AUTS2: variants seen among roughly 807,000 people sequenced by gnomAD.
AUTS2 encodes activator of transcription and developmental regulator AUTS2.
AUTS2 carries 17 observed loss-of-function variants against 112.4 expected under a neutral mutation model. That is an observed-to-expected ratio of 0.15 (90% CI 0.10 to 0.23). The LOEUF (loss-of-function observed/expected upper bound fraction) is 0.23. AUTS2 is among the 10% of genes least tolerant of loss of function. The pLI is 1.00. For missense variants in AUTS2, 1,510 were observed against 1,701.6 expected (o/e 0.89, Z 1.98); for synonymous variants, 751 against 702.7 (o/e 1.07, Z -1.09).
intron 6 of AUTS2, among the ~76,000 whole-genome samples, chr7:70,719,513 G>A (rs1275649764): frequency 1.3e-5 from 2 of 150,112 alleles, no homozygotes; most frequent in Admixed American, 6.7e-5. Context: ...GCTCAGGCTG[G>A]AGTGCAGTGG....
At chr7:70,235,155 A>G (rs1322839063) in intron 4 of AUTS2, among the ~76,000 whole-genome samples, 1 of 152,140 alleles carries the variant, frequency 6.6e-6, no homozygotes, top group East Asian at 1.9e-4. Flanking sequence ...TATTTTAGAG[A>G]TGGAGTCTCA....
chr7:69,745,744 T>C (rs1054011119), intron 1 of AUTS2, among the ~76,000 whole-genome samples: 12 of 152,328 alleles, frequency 7.9e-5, no homozygotes, highest in African/African-American at 2.6e-4. Context: ...AAAAGTAATC[T>C]TGCAGTTTGT....
intron 4 of AUTS2, among the ~76,000 whole-genome samples, chr7:70,173,564 A>G (rs1000757475): frequency 6.6e-6 from 1 of 152,144 alleles, no homozygotes; most frequent in Non-Finnish European, 1.5e-5. Context: ...GTTCTTTTCT[A>G]ATATGAGCAT....
At chr7:70,426,734 A>C (rs577370269) in intron 4 of AUTS2, among the ~76,000 whole-genome samples, 1 of 152,170 alleles carries the variant, frequency 6.6e-6, no homozygotes, top group Admixed American at 6.5e-5. Flanking sequence ...AGCATGTTCC[A>C]TTTGCCTCAC....
chr7:70,706,298 CAG>C (rs1809734633), intron 6 of AUTS2, among the ~76,000 whole-genome samples: 1 of 152,208 alleles, frequency 6.6e-6, no homozygotes, highest in Non-Finnish European at 1.5e-5. Context: ...AGAGCAGAGA[CAG>C]AAACAGAGAA....
In AUTS2 at chr7:70,595,258, C is replaced by T. The variant is rs113986286; in HGVS notation, c.691-103311C>T. On this transcript the variant is annotated intron_variant, in intron 5 of 18. Transcript: ENST00000342771. The stretch of plus-strand genomic sequence containing the variant: ...CTCCAGGAATTCCTCTTCCATGCAC[C>T]TCCTTGGGCAGAGCGTTGAGGTGTG... 4.2e-3 allele frequency among the ~76,000 whole-genome samples: 644 copies of T among 152,248 alleles called. 7 individuals are homozygous for T. The highest frequency in any genetic ancestry group is 0.015 in the African/African-American group (612 of 41,540).
intron 4 of AUTS2, among the ~76,000 whole-genome samples, chr7:70,239,403 G>A (rs1812489666): frequency 6.6e-6 from 1 of 152,074 alleles, no homozygotes; most frequent in African/African-American, 2.4e-5. Context: ...CCTACCATAT[G>A]AATTCATGCA....
chr7:69,814,066 A>G (rs989803192), intron 1 of AUTS2, among the ~76,000 whole-genome samples: 1 of 152,322 alleles, frequency 6.6e-6, no homozygotes, highest in Admixed American at 6.5e-5. Context: ...AGTAAGTACA[A>G]TTTCACCATT....
At chr7:70,011,329 C>CCT (rs1799796079) in intron 2 of AUTS2, among the ~76,000 whole-genome samples, 1 of 144,864 alleles carries the variant, frequency 6.9e-6, no homozygotes, top group Admixed American at 6.9e-5. Context: ...CCTCTCCTCT[C>CCT]CTCTCCTCTC....
intron 2 of AUTS2, among the ~76,000 whole-genome samples, chr7:69,986,993 T>C (rs1798537976): frequency 6.6e-6 from 1 of 152,198 alleles, no homozygotes; most frequent in African/African-American, 2.4e-5. Flanking sequence ...GAGTTAAGCT[T>C]TGCAGAGCTG....
chr7:69,730,271 T>C (rs1786733634), intron 1 of AUTS2, among the ~76,000 whole-genome samples: 1 of 152,114 alleles, frequency 6.6e-6, no homozygotes, highest in Non-Finnish European at 1.5e-5. Flanking sequence ...AAGTTTGTTC[T>C]TTTTTATTTT....
chr7:69,786,493 G>T lies in AUTS2; in HGVS notation c.310-112793G>T, dbSNP rs1365349666. Among the ~76,000 whole-genome samples the T allele has an allele frequency of 3.9e-5, 6 of 152,210 alleles. No individual in the cohort carries two copies. The South Asian group carries it at 8.3e-4, about 21-fold the overall frequency. On this transcript the variant is annotated intron_variant, in intron 1 of 18. Transcript: ENST00000342771. ...AAGGGAATAAAAGCTGGCCACCCCAGCCAGCAGTGGCAACCCGCTTGGGTC... is the reference window on the plus strand; with the variant it reads ...AAGGGAATAAAAGCTGGCCACCCCATCCAGCAGTGGCAACCCGCTTGGGTC...
intron 4 of AUTS2, among the ~76,000 whole-genome samples, chr7:70,181,153 A>G (rs1005155954): frequency 6.6e-6 from 1 of 152,186 alleles, no homozygotes; most frequent in African/African-American, 2.4e-5. Context: ...CCACTACTGC[A>G]TAGTATTCTA....
chr7:70,028,526 A>G (rs1214247233), intron 2 of AUTS2, among the ~76,000 whole-genome samples: 1 of 152,132 alleles, frequency 6.6e-6, no homozygotes, highest in African/African-American at 2.4e-5. Flanking sequence ...ACATTTAATG[A>G]TTGTATCCAG....
chr7:70,057,649 C>T (rs965447203), intron 2 of AUTS2, among the ~76,000 whole-genome samples: 2 of 152,184 alleles, frequency 1.3e-5, no homozygotes, highest in African/African-American at 4.8e-5. Context: ...AAATTGTGGA[C>T]TGTGTTTTCT....
At chr7:70,774,148 T>C in intron 12 of AUTS2, 49 bp downstream of exon 12, 1 of 1,575,758 alleles carries the variant, frequency 6.3e-7, no homozygotes, top group Non-Finnish European at 8.7e-7. Context: ...GGTGTGTGTG[T>C]TTGCACGGGA....
intron 4 of AUTS2, among the ~76,000 whole-genome samples, chr7:70,348,743 G>A (rs971372943): frequency 5.3e-5 from 8 of 152,134 alleles, no homozygotes; most frequent in East Asian, 3.9e-4. Flanking sequence ...CCCGGGAGGC[G>A]TTGCTTGCAG....
chr7:69,805,649 C>T (rs761923631), intron 1 of AUTS2, among the ~76,000 whole-genome samples: 12 of 152,280 alleles, frequency 7.9e-5, no homozygotes, highest in East Asian at 1.9e-4. Context: ...AACCAAGCAA[C>T]GCAGATCAGT....
chr7:69,723,444 T>G (rs901853951), intron 1 of AUTS2, among the ~76,000 whole-genome samples: 3 of 152,176 alleles, frequency 2.0e-5, no homozygotes, highest in Non-Finnish European at 2.9e-5. Flanking sequence ...TTTGAATGCC[T>G]AGGTCCCAAT....
Sources: allele counts gnomAD v4.1 joint callset (sites outside exome capture counted in the v4.1 genomes callset), GRCh38; gene constraint gnomAD v4.1.1; transcripts MANE v1.5; gene names NCBI Gene and HGNC (gene_info 2026-07-23, HGNC 2026-07-21).